The following HAGH variants were observed in gnomAD, a reference collection of about 807,000 sequenced individuals.
HAGH encodes the protein hydroxyacylglutathione hydrolase.
In HAGH, 29 loss-of-function variants were observed where a neutral mutation model predicts 35.1. That is an observed-to-expected ratio of 0.83 (90% CI 0.62 to 1.13). HAGH has a LOEUF of 1.13. Among genes scored for constraint, HAGH ranks in the 50% most tolerant of loss-of-function variants. The pLI, the probability that HAGH is intolerant of heterozygous loss-of-function variation, is 0.00. For missense variants in HAGH, 478 were observed against 419.6 expected, an observed-to-expected ratio of 1.14 and a Z score of -1.22; for synonymous variants, 225 against 176.1, an observed-to-expected ratio of 1.28 and a Z score of -2.20.
chr16:1,827,006 C>G, upstream of HAGH: 16 of 657,578 alleles, frequency 2.4e-5, no homozygotes, highest in South Asian at 4.3e-4. Flanking sequence ...CGGCGGCGGC[C>G]CGAGAGCTGC....
intron 7 of HAGH, among the ~76,000 whole-genome samples, chr16:1,813,007 C>T (rs571944789): frequency 6.6e-6 from 1 of 152,334 alleles, no homozygotes; most frequent in South Asian, 2.1e-4. Flanking sequence ...AAGTCAAACA[C>T]ACCTCCCGTC....
At chr16:1,826,638 GAC>G (rs1490787338) in intron 1 of HAGH, 72 bp downstream of exon 1, 7 of 970,192 alleles carry the variant, frequency 7.2e-6, no homozygotes, top group African/African-American at 3.5e-5. Context: ...GTCGCCAAAC[GAC>G]GGCCCGGCGC....
chr16:1,810,094 C>G lies in HAGH; in HGVS notation c.748-261G>C, dbSNP rs1023699703. On this transcript the variant is annotated intron_variant, in intron 7 of 8. Coordinates refer to ENST00000397356, the MANE Select transcript of HAGH (RefSeq NM_005326.6). ...GTGGGAGGATCGCTTGAGCACAGGT[C>G]GAGGCTACAGTGAGCCAAGACTGTG... 5.3e-5 allele frequency: 26 copies of G among 488,598 alleles called. No homozygotes were observed. In the East Asian group the frequency reaches 9.5e-4, roughly 18 times the overall value. 30.3% of individuals were successfully genotyped at this position (488,598 alleles called of 1,614,324 possible).
At position 1,808,616 on chromosome 16, in the gene HAGH, C is replaced by T. The variant is rs1267481592; in HGVS notation, c.*667G>A. The T allele has an allele frequency of 1.2e-5, 1 of 82,852 alleles. No homozygotes were observed. The highest frequency in any genetic ancestry group is 5.2e-5 in the African/African-American group (1 of 19,358). The allele number at this position is 82,852 out of a possible 1,614,324, so 5.1% of individuals were successfully genotyped here. Reference sequence around the variant, plus strand: ...GCCCAGCCCTAAATTTCAGATTAGCCTTAGGGGTTGCCTTTGTCCTGCCCT... The same window carrying T: ...GCCCAGCCCTAAATTTCAGATTAGCTTTAGGGGTTGCCTTTGTCCTGCCCT... On this transcript the variant is annotated 3_prime_UTR_variant, in exon 9 of 9. Coordinates refer to ENST00000397356, the MANE Select transcript of HAGH (RefSeq NM_005326.6).
chr16:1,814,440 CT>C (rs1897795828), intron 7 of HAGH, among the ~76,000 whole-genome samples: 1 of 150,038 alleles, frequency 6.7e-6, no homozygotes, highest in Admixed American at 6.6e-5. Flanking sequence ...CGCCGCTGCA[CT>C]CCAGCCTGGG....
intron 7 of HAGH, among the ~76,000 whole-genome samples, chr16:1,816,104 C>T (rs557118701): frequency 2.5e-3 from 369 of 148,656 alleles, no homozygotes; most frequent in Admixed American, 4.5e-3. Flanking sequence ...CCACGCCCGG[C>T]CAGCAGGGAG....
intron 7 of HAGH, among the ~76,000 whole-genome samples, chr16:1,811,779 G>A (rs1033667951): frequency 2.6e-5 from 4 of 152,170 alleles, no homozygotes; most frequent in African/African-American, 4.8e-5. Context: ...GCTCCACCTC[G>A]TGTGGGTTCT....
chr16:1,812,873 C>T (rs1897722319), intron 7 of HAGH, among the ~76,000 whole-genome samples: 1 of 151,634 alleles, frequency 6.6e-6, no homozygotes, highest in African/African-American at 2.4e-5. Flanking sequence ...CTGGCTCCAC[C>T]GCGTGGGCTG....
At chr16:1,827,174 G>C, upstream of HAGH, 1 of 1,544,212 alleles carries the variant, frequency 6.5e-7, no homozygotes, top group Non-Finnish European at 8.8e-7. Flanking sequence ...GGTCCTCTCC[G>C]GGATGCCGTA....
At chr16:1,817,294 G>T in intron 5 of HAGH, 23 bp from the exon 6 acceptor site, 3 of 1,470,112 alleles carry the variant, frequency 2.0e-6, no homozygotes, top group Non-Finnish European at 2.9e-6. Flanking sequence ...ACAGCCACGA[G>T]GTGGGGGCCA....
chr16:1,809,671 G>A, intron 8 of HAGH, 83 bp downstream of exon 8: 2 of 1,007,880 alleles, frequency 2.0e-6, no homozygotes, highest in South Asian at 2.6e-5. Context: ...GCCATCTGGG[G>A]TCTCGGACGT....
rs1897495339 is a variant in HAGH, at chr16:1,808,620, G to A, written c.*663C>T. On this transcript the variant is annotated 3_prime_UTR_variant, in exon 9 of 9. Coordinates refer to ENST00000397356, the MANE Select transcript of HAGH (RefSeq NM_005326.6). ...AGCCCTAAATTTCAGATTAGCCTTAGGGGTTGCCTTTGTCCTGCCCTTCCC... is the reference window on the plus strand; with the variant it reads ...AGCCCTAAATTTCAGATTAGCCTTAAGGGTTGCCTTTGTCCTGCCCTTCCC... 2 of 61,212 alleles carry A rather than the reference G, an allele frequency of 3.3e-5. No individual in the cohort carries two copies. The highest frequency in any genetic ancestry group is 1.4e-4 in the African/African-American group (2 of 13,938). 3.8% of individuals were successfully genotyped at this position (61,212 alleles called of 1,614,324 possible). A position where few individuals can be genotyped will look rare whatever the true frequency, so the allele number is the denominator to read the frequency against.
chr16:1,813,524 T>G (rs1278713758), intron 7 of HAGH, among the ~76,000 whole-genome samples: 1 of 152,184 alleles, frequency 6.6e-6, no homozygotes, highest in Non-Finnish European at 1.5e-5. Flanking sequence ...AGGGATCCAT[T>G]TAGTAACACG....
Position 1,817,188 on chromosome 16 carries a change from C to T in HAGH, c.625G>A (p.Gly209Ser). Reference sequence around the variant, plus strand: ...CCTACTGTGTCCGGGGGGAGCCGGCCCAAGACCTCCAGCAGAGCTTTACAC... The same window carrying T: ...CCTACTGTGTCCGGGGGGAGCCGGCTCAAGACCTCCAGCAGAGCTTTACAC... ...EMCKALLEVL[G>S]RLPPDTRVYC... is the part of the protein sequence containing the mutation. The change falls in exon 6 of 9, where the codon GGC (glycine) becomes AGC (serine). Residue 209 changes from glycine to serine, a missense_variant. Physicochemically the swap from Gly to Ser is moderately conservative, Grantham distance 56. Transcript: ENST00000397356. The T allele has an allele frequency of 6.2e-7, 1 of 1,611,200 alleles. No homozygotes were observed.
At chr16:1,814,310 A>G (rs1005338872) in intron 7 of HAGH, among the ~76,000 whole-genome samples, 2 of 152,090 alleles carry the variant, frequency 1.3e-5, no homozygotes, top group African/African-American at 4.8e-5. Context: ...CCCCATCTCT[A>G]CTAAAAATAC....
At chr16:1,809,918 C>G in intron 7 of HAGH, 85 bp from the exon 8 acceptor site, 1 of 965,530 alleles carries the variant, frequency 1.0e-6, no homozygotes, top group Non-Finnish European at 1.7e-6. Flanking sequence ...GATACCAGCA[C>G]TTTGGGAGGC....
chr16:1,817,077 G>A (rs1430666423), intron 6 of HAGH, 83 bp from the exon 7 acceptor site: 4 of 1,332,208 alleles, frequency 3.0e-6, no homozygotes, highest in Non-Finnish European at 4.3e-6. Context: ...ATGCCCCCGG[G>A]GGGTGTCCGG....
At chr16:1,826,336 T>G (rs1452063270) in intron 1 of HAGH, among the ~76,000 whole-genome samples, 1 of 150,298 alleles carries the variant, frequency 6.7e-6, no homozygotes, top group African/African-American at 2.4e-5. Flanking sequence ...GGGCAGCAGG[T>G]GCGGGGTGGG....
At chr16:1,824,319 A>G (rs1898298513) in intron 1 of HAGH, among the ~76,000 whole-genome samples, 2 of 139,082 alleles carry the variant, frequency 1.4e-5, no homozygotes, top group African/African-American at 5.4e-5. Flanking sequence ...AAAGTTGGCC[A>G]CAACTGCCCC....
Sources: allele counts gnomAD v4.1 joint callset (sites outside exome capture counted in the v4.1 genomes callset), GRCh38; gene constraint gnomAD v4.1.1; transcripts MANE v1.5; gene names NCBI Gene and HGNC (gene_info 2026-07-23, HGNC 2026-07-21).